Variants in RARB observed in about 807,000 individuals in gnomAD.
The protein encoded by RARB is retinoic acid receptor beta, also known as HBV-activated protein.
RARB carries 17 observed loss-of-function variants against 51.9 expected under a neutral mutation model. The observed-to-expected ratio is 0.33, with a 90% CI of 0.22 to 0.49. The LOEUF (loss-of-function observed/expected upper bound fraction) is 0.49, where lower values mean the gene tolerates loss of function less well. RARB is among the 20% of genes least tolerant of loss of function. The probability of loss-of-function intolerance (pLI) is 0.99; values close to 1 mark genes in which losing one functional copy is unlikely to be tolerated. For missense variants in RARB, 369 were observed against 550.8 expected (o/e 0.67, Z 3.30); for synonymous variants, 215 against 195.4 (o/e 1.10, Z -0.84).
intron 5 of RARB, among the ~76,000 whole-genome samples, chr3:25,291,631 A>G (rs1016597064): frequency 1.3e-5 from 2 of 152,140 alleles, no homozygotes; most frequent in Non-Finnish European, 2.9e-5. Context: ...GCAACCAAAC[A>G]TAAATCAAGG....
intron 1 of RARB, among the ~76,000 whole-genome samples, chr3:24,834,807 T>C (rs988766078): frequency 1.3e-5 from 2 of 152,254 alleles, no homozygotes; most frequent in Non-Finnish European, 1.5e-5. Flanking sequence ...GCCCACTTTA[T>C]ATTCTCTGTT....
chr3:25,002,319 A>G (rs1697177970), intron 2 of RARB, among the ~76,000 whole-genome samples: 1 of 152,150 alleles, frequency 6.6e-6, no homozygotes. Context: ...TGAAACACAG[A>G]ACCCTGTAGA....
chr3:24,941,018 C>A (rs1370320691), intron 2 of RARB, among the ~76,000 whole-genome samples: 1 of 152,026 alleles, frequency 6.6e-6, no homozygotes, highest in East Asian at 1.9e-4. Flanking sequence ...CGTTTACCAT[C>A]CTATATTGAA....
At chr3:25,483,077 A>G (rs6550982) in intron 2 of RARB, among the ~76,000 whole-genome samples, 74,959 of 152,026 alleles carry the variant, frequency 0.49, 20,286 homozygotes, top group South Asian at 0.65. Flanking sequence ...TGGCTACTGT[A>G]GTGGACAGAA....
In RARB at chr3:25,382,338, C is replaced by T. The variant is rs1706652310; in HGVS notation, c.179-78855C>T. Among the ~76,000 whole-genome samples, 3 of 152,202 alleles carry T rather than the reference C, an allele frequency of 2.0e-5. No individual in the cohort carries two copies. The South Asian group carries it at 6.2e-4, about 31-fold the overall frequency. On this transcript the variant is annotated intron_variant, in intron 5 of 11. Transcript: ENST00000383772. ...AATTGTCTCCTTTGAGGCATGTTTACAAACTTTCAAAGTTGATACTCTTTA... is the reference window on the plus strand; with the variant it reads ...AATTGTCTCCTTTGAGGCATGTTTATAAACTTTCAAAGTTGATACTCTTTA...
intron 5 of RARB, among the ~76,000 whole-genome samples, chr3:25,254,251 G>T (rs1278844560): frequency 6.6e-6 from 1 of 152,084 alleles, no homozygotes. Context: ...GTTCCTTATG[G>T]ACTTCAAGAT....
chr3:24,859,448 G>A (rs925108227), intron 2 of RARB, among the ~76,000 whole-genome samples: 4 of 152,146 alleles, frequency 2.6e-5, no homozygotes, highest in South Asian at 2.1e-4. Flanking sequence ...CAGGTGCCAC[G>A]TTATTGTACT....
At chr3:24,886,279 G>A (rs937094520) in intron 2 of RARB, among the ~76,000 whole-genome samples, 5 of 152,080 alleles carry the variant, frequency 3.3e-5, no homozygotes, top group Admixed American at 3.3e-4. Context: ...ACCCCTTGAT[G>A]CAGGGGCTGA....
At chr3:25,166,387 G>T (rs1214411003) in intron 4 of RARB, among the ~76,000 whole-genome samples, 2 of 152,162 alleles carry the variant, frequency 1.3e-5, no homozygotes, top group Admixed American at 1.3e-4. Flanking sequence ...CAGGTACTTG[G>T]CTGGATGCAT....
chr3:25,406,187 C>T (rs959908046), intron 5 of RARB, among the ~76,000 whole-genome samples: 3 of 152,200 alleles, frequency 2.0e-5, no homozygotes, highest in Admixed American at 2.0e-4. Flanking sequence ...CATGGATATA[C>T]ATACCCACCT....
At chr3:25,351,503 C>T (rs1050455940) in intron 5 of RARB, among the ~76,000 whole-genome samples, 1 of 152,084 alleles carries the variant, frequency 6.6e-6, no homozygotes, top group African/African-American at 2.4e-5. Flanking sequence ...GGGACCTCGC[C>T]TTTGAATGCC....
At chr3:25,043,070 G>A (rs71311521) in intron 2 of RARB, among the ~76,000 whole-genome samples, 126 of 152,338 alleles carry the variant, frequency 8.3e-4, no homozygotes, top group Non-Finnish European at 1.5e-3. Context: ...GGGAGCGACC[G>A]TCAGAGGGTG....
intron 5 of RARB, among the ~76,000 whole-genome samples, chr3:25,397,149 G>A (rs1707138049): frequency 6.6e-6 from 1 of 152,128 alleles, no homozygotes; most frequent in South Asian, 2.1e-4. Context: ...TCTACTGGCA[G>A]CCCTCCCCAA....
intron 5 of RARB, among the ~76,000 whole-genome samples, chr3:25,284,003 A>G (rs1430362943): frequency 1.3e-5 from 2 of 152,102 alleles, no homozygotes; most frequent in Non-Finnish European, 2.9e-5. Context: ...TTCCAAGCAT[A>G]GGTTATAAAA....
At chr3:25,056,548 T>C (rs1350255044) in intron 2 of RARB, among the ~76,000 whole-genome samples, 1 of 152,144 alleles carries the variant, frequency 6.6e-6, no homozygotes, top group Non-Finnish European at 1.5e-5. Context: ...TCTACTGGAT[T>C]CTTGCCACAT....
chr3:25,476,028 C>A (rs1024455699), intron 2 of RARB, among the ~76,000 whole-genome samples: 1 of 152,184 alleles, frequency 6.6e-6, no homozygotes, highest in East Asian at 1.9e-4. Flanking sequence ...GGAGTCACCT[C>A]CATTTAGAAA....
chr3:25,459,374 T>G (rs1018168374), intron 1 of RARB, among the ~76,000 whole-genome samples: 3 of 152,190 alleles, frequency 2.0e-5, no homozygotes, highest in East Asian at 1.9e-4. Flanking sequence ...CTCAATAAAT[T>G]AGGGGACTCA....
chr3:25,254,292 C>A (rs1322344462), intron 5 of RARB, among the ~76,000 whole-genome samples: 2 of 152,076 alleles, frequency 1.3e-5, no homozygotes, highest in Non-Finnish European at 2.9e-5. Flanking sequence ...TTTCCATGTC[C>A]CCATTATTGA....
At chr3:24,944,128 T>G (rs1695725802) in intron 2 of RARB, among the ~76,000 whole-genome samples, 1 of 152,216 alleles carries the variant, frequency 6.6e-6, no homozygotes, top group African/African-American at 2.4e-5. Context: ...CTGGATATTA[T>G]GAAGCCCTAG....
Sources: gnomAD v4.1 joint callset for allele counts (sites outside exome capture counted in the v4.1 genomes callset) on GRCh38, gnomAD v4.1.1 for gene constraint, MANE v1.5 for transcripts, NCBI Gene and HGNC (gene_info 2026-07-23, HGNC 2026-07-21) for gene names.